CTNNA3: variants seen among roughly 807,000 people sequenced by gnomAD.
CTNNA3 encodes catenin alpha 3.
In CTNNA3, 76 loss-of-function variants were observed where a neutral mutation model predicts 95.7. The ratio of observed to expected loss-of-function variants is 0.79; its 90% CI spans 0.66 to 0.96. CTNNA3 has a LOEUF of 0.96. Ranked by LOEUF, CTNNA3 falls within the 40% of genes least tolerant of loss-of-function variation. The pLI, the probability that CTNNA3 is intolerant of heterozygous loss-of-function variation, is 0.00. For missense variants in CTNNA3, 1,191 were observed against 1,089.8 expected (o/e 1.09, Z -1.31); for synonymous variants, 431 against 374.4 (o/e 1.15, Z -1.74).
chr10:66,619,116 C>G (rs1041180758), intron 10 of CTNNA3, among the ~76,000 whole-genome samples: 4 of 150,962 alleles, frequency 2.6e-5, no homozygotes, highest in Admixed American at 6.6e-5. Context: ...GTTGGTGGGA[C>G]TGTAAACTAG....
At chr10:67,339,629 G>A (rs1230280837) in intron 5 of CTNNA3, among the ~76,000 whole-genome samples, 2 of 42,428 alleles carry the variant, frequency 4.7e-5, no homozygotes, top group African/African-American at 1.9e-4. Flanking sequence ...AATGAAAAGA[G>A]AACTAAATAC....
chr10:66,024,084 C>CCTTTTTT (rs1183185763), intron 15 of CTNNA3, among the ~76,000 whole-genome samples: 1 of 62,680 alleles, frequency 1.6e-5, no homozygotes, highest in Non-Finnish European at 3.4e-5. Flanking sequence ...ATACCATACA[C>CCTTTTTT]ATTTTTTTTT....
At chr10:67,002,385 C>T (rs1174665334) in intron 7 of CTNNA3, among the ~76,000 whole-genome samples, 2 of 152,056 alleles carry the variant, frequency 1.3e-5, no homozygotes, top group Non-Finnish European at 2.9e-5. Flanking sequence ...TATTGAAAGG[C>T]TTTCTGTAAA....
intron 7 of CTNNA3, among the ~76,000 whole-genome samples, chr10:66,907,423 C>A (rs578219303): frequency 1.3e-5 from 2 of 152,208 alleles, no homozygotes; most frequent in African/African-American, 4.8e-5. Flanking sequence ...GTAGACAATC[C>A]ATAATCTACA....
chr10:66,030,325 G>C (rs1251908348), intron 15 of CTNNA3, among the ~76,000 whole-genome samples: 1 of 152,044 alleles, frequency 6.6e-6, no homozygotes, highest in Non-Finnish European at 1.5e-5. Context: ...ATACTACAAG[G>C]CTACAGTAAC....
At chr10:66,957,415 CATATATATATATGCAT>C (rs1848865948) in intron 7 of CTNNA3, among the ~76,000 whole-genome samples, 5 of 32,530 alleles carry the variant, frequency 1.5e-4, no homozygotes, top group African/African-American at 7.5e-4. Context: ...TATATATATG[CATATATATATATGCAT>C]ATATATATAT....
chr10:66,924,533 C>A (rs886785250), intron 7 of CTNNA3, among the ~76,000 whole-genome samples: 1 of 152,146 alleles, frequency 6.6e-6, no homozygotes, highest in African/African-American at 2.4e-5. Flanking sequence ...AGATAAAGTT[C>A]AGATGATGAA....
At chr10:66,089,336 C>CTCTT (rs1004523172) in intron 14 of CTNNA3, among the ~76,000 whole-genome samples, 30 of 151,708 alleles carry the variant, frequency 2.0e-4, no homozygotes, top group African/African-American at 7.2e-4. Context: ...AACCTCTCCT[C>CTCTT]TCTTTCTTTC....
At chr10:66,010,671 T>G (rs114264508) in intron 15 of CTNNA3, among the ~76,000 whole-genome samples, 1,921 of 152,274 alleles carry the variant, frequency 0.013, 32 homozygotes, top group African/African-American at 0.044. Flanking sequence ...GATCACTGAA[T>G]TGAGATGTAT....
At chr10:67,089,717 A>G (rs142866821) in intron 7 of CTNNA3, among the ~76,000 whole-genome samples, 142 of 144,740 alleles carry the variant, frequency 9.8e-4, no homozygotes, top group Non-Finnish European at 1.8e-3. Flanking sequence ...GTATATACAT[A>G]TGTGTGTGTG....
intron 3 of CTNNA3, among the ~76,000 whole-genome samples, chr10:67,544,364 G>A (rs1840774793): frequency 6.6e-6 from 1 of 152,064 alleles, no homozygotes; most frequent in African/African-American, 2.4e-5. Flanking sequence ...AAAAAAACAG[G>A]ATGAGCCCTT....
chr10:66,438,473 C>A (rs2093353307), intron 11 of CTNNA3, among the ~76,000 whole-genome samples: 1 of 152,176 alleles, frequency 6.6e-6, no homozygotes, highest in South Asian at 2.1e-4. Flanking sequence ...CCAGTTTGAA[C>A]TTCCAGGTGG....
chr10:66,015,598 T>A (rs1027544793), intron 15 of CTNNA3, among the ~76,000 whole-genome samples: 1 of 151,936 alleles, frequency 6.6e-6, no homozygotes, highest in Non-Finnish European at 1.5e-5. Context: ...TGCCAACTTT[T>A]TCGTTACCTA....
intron 7 of CTNNA3, among the ~76,000 whole-genome samples, chr10:66,880,773 G>T (rs1362560163): frequency 6.6e-6 from 1 of 151,814 alleles, no homozygotes; most frequent in Non-Finnish European, 1.5e-5. Flanking sequence ...AATTTCTTTT[G>T]CTCATAGCAA....
intron 7 of CTNNA3, among the ~76,000 whole-genome samples, chr10:66,904,492 G>A (rs1206232727): frequency 6.6e-6 from 1 of 152,068 alleles, no homozygotes; most frequent in African/African-American, 2.4e-5. Context: ...AAAAACAATG[G>A]CAACAAAAGC....
At chr10:67,375,895 T>C (rs1416121152) in intron 5 of CTNNA3, among the ~76,000 whole-genome samples, 1 of 152,128 alleles carries the variant, frequency 6.6e-6, no homozygotes, top group Non-Finnish European at 1.5e-5. Flanking sequence ...TATTAGAAGG[T>C]GGGACCTTTT....
At chr10:67,261,714 AT>A (rs1866616061) in intron 5 of CTNNA3, among the ~76,000 whole-genome samples, 1 of 152,190 alleles carries the variant, frequency 6.6e-6, no homozygotes. Flanking sequence ...TATTCAAAAT[AT>A]TTTTATTGTC....
chr10:67,415,332 A>C (rs960122580), intron 5 of CTNNA3, among the ~76,000 whole-genome samples: 1 of 152,244 alleles, frequency 6.6e-6, no homozygotes, highest in Admixed American at 6.5e-5. Flanking sequence ...TACAAAAATC[A>C]GTATCATTTC....
intron 2 of CTNNA3, among the ~76,000 whole-genome samples, chr10:67,607,429 T>C (rs1843315040): frequency 6.6e-6 from 1 of 152,112 alleles, no homozygotes; most frequent in African/African-American, 2.4e-5. Context: ...TGGATCATCA[T>C]AAAGGTCTTC....
Sources: gnomAD v4.1 joint callset for allele counts (sites outside exome capture counted in the v4.1 genomes callset) on GRCh38, gnomAD v4.1.1 for gene constraint, MANE v1.5 for transcripts, NCBI Gene and HGNC (gene_info 2026-07-23, HGNC 2026-07-21) for gene names.